Variants in JHY observed in about 807,000 individuals in gnomAD.
JHY encodes jhy protein homolog.
In JHY, 69 loss-of-function variants were observed where a neutral mutation model predicts 78.0. The observed-to-expected ratio is 0.88, with a 90% CI of 0.73 to 1.08. JHY has a LOEUF of 1.08. JHY is among the 50% of genes least tolerant of loss of function. The pLI, the probability that JHY is intolerant of heterozygous loss-of-function variation, is 0.00. For synonymous variants in JHY, 368 were observed against 342.6 expected (o/e 1.07, Z -0.82); for missense variants, 944 against 927.8 (o/e 1.02, Z -0.23).
intron 3 of JHY, among the ~76,000 whole-genome samples, chr11:122,915,815 T>TA (rs937268172): frequency 3.3e-5 from 5 of 151,934 alleles, no homozygotes; most frequent in African/African-American, 1.2e-4. Flanking sequence ...CACCCAGCCC[T>TA]AAAAAGAAGA....
At chr11:122,902,236 C>T (rs761032456) in intron 2 of JHY, among the ~76,000 whole-genome samples, 1 of 151,750 alleles carries the variant, frequency 6.6e-6, no homozygotes, top group Non-Finnish European at 1.5e-5. Context: ...GCGAGTGGAT[C>T]ACAGGAGGCC....
At chr11:122,952,007 T>TA (rs1864097843) in intron 6 of JHY, among the ~76,000 whole-genome samples, 2 of 151,170 alleles carry the variant, frequency 1.3e-5, no homozygotes, top group African/African-American at 4.9e-5. Flanking sequence ...TTTTTTTTTT[T>TA]AGTATTGTGT....
At chr11:122,943,479 G>A (rs1863912388) in intron 5 of JHY, among the ~76,000 whole-genome samples, 1 of 152,086 alleles carries the variant, frequency 6.6e-6, no homozygotes, top group South Asian at 2.1e-4. Flanking sequence ...TGTTGAATAG[G>A]TCTTTTAAGT....
chr11:122,891,375 T>C (rs1450693327), intron 2 of JHY, among the ~76,000 whole-genome samples: 1 of 152,136 alleles, frequency 6.6e-6, no homozygotes, highest in East Asian at 1.9e-4. Flanking sequence ...ACCTTTTACT[T>C]AATGGAATTT....
At chr11:122,884,747 G>C (rs1862458623) in intron 1 of JHY, among the ~76,000 whole-genome samples, 4 of 152,316 alleles carry the variant, frequency 2.6e-5, no homozygotes, top group African/African-American at 9.6e-5. Flanking sequence ...TCCAGGCTCT[G>C]CTTTGGATCG....
At chr11:122,902,137 A>C (rs1201803460) in intron 2 of JHY, among the ~76,000 whole-genome samples, 1 of 151,258 alleles carries the variant, frequency 6.6e-6, no homozygotes, top group Admixed American at 6.6e-5. Context: ...AATAAGTAGG[A>C]GTGCACTCTA....
Position 122,934,443 on chromosome 11 carries a change from A to G in JHY, c.1002A>G (p.Gln334=), listed in dbSNP as rs949258932. 6.2e-7 allele frequency: 1 copy of G among 1,613,444 alleles called. No homozygotes were observed. The highest frequency in any genetic ancestry group is 1.1e-5 in the South Asian group (1 of 91,016). ...QLKNYQEHWS[Q]YESTKSSNVP... is the part of the protein sequence containing the mutation. ...AGAATTACCAGGAACACTGGTCTCA[A>G]TATGAAAGTACAAAATCAAGCAATG... The change falls in exon 5 of 9, where the codon CAA becomes CAG. Residue 334 remains glutamine (Q), a synonymous_variant. Transcript: ENST00000227349.
chr11:122,921,209 C>T (rs77758872), intron 3 of JHY, among the ~76,000 whole-genome samples: 9,781 of 152,206 alleles, frequency 0.064, 634 homozygotes, highest in African/African-American at 0.16. Flanking sequence ...GAATAGGAAG[C>T]GTGGGACACT....
chr11:122,934,049 G>T (rs1339741403), intron 4 of JHY, among the ~76,000 whole-genome samples: 1 of 151,908 alleles, frequency 6.6e-6, no homozygotes, highest in African/African-American at 2.4e-5. Context: ...TTCTTTCTAG[G>T]CTTATAATCC....
intron 5 of JHY, among the ~76,000 whole-genome samples, chr11:122,942,743 G>A (rs1863899173): frequency 6.6e-6 from 1 of 152,112 alleles, no homozygotes; most frequent in South Asian, 2.1e-4. Context: ...TGTTTTAAAT[G>A]CTTAGCTCAT....
chr11:122,930,423 G>GT (rs1338576269), intron 4 of JHY, among the ~76,000 whole-genome samples: 1 of 152,146 alleles, frequency 6.6e-6, no homozygotes, highest in African/African-American at 2.4e-5. Context: ...TCAAGTGAAT[G>GT]TTTTTTTCCT....
In JHY at chr11:122,957,344, A is replaced by C. The variant is rs747808742; in HGVS notation, c.2011-19A>C. On this transcript the variant is annotated intron_variant, in intron 7 of 8. Coordinates refer to ENST00000227349, the MANE Select transcript of JHY (RefSeq NM_024806.4). ...ACTAGCAGCACCTGGATTCATCATA[A>C]CTTTGTTTCTCTGAACAGACGCAAA... is the stretch of plus-strand genomic sequence containing the variant. The C allele has an allele frequency of 1.3e-4, 198 of 1,512,026 alleles. No homozygotes were observed. The highest frequency in any genetic ancestry group is 1.7e-4 in the Non-Finnish European group (192 of 1,142,920). 93.7% of individuals were successfully genotyped at this position (1,512,026 alleles called of 1,614,324 possible). A position where few individuals can be genotyped will look rare whatever the true frequency, so the allele number is the denominator to read the frequency against.
chr11:122,923,811 A>T (rs1226054454), intron 3 of JHY, among the ~76,000 whole-genome samples: 1 of 150,866 alleles, frequency 6.6e-6, no homozygotes, highest in Non-Finnish European at 1.5e-5. Context: ...TCCGCCTCCC[A>T]GGTTTAAGCA....
intron 3 of JHY, among the ~76,000 whole-genome samples, chr11:122,914,515 G>A (rs887537398): frequency 3.0e-4 from 46 of 152,122 alleles, no homozygotes; most frequent in East Asian, 3.9e-4. Flanking sequence ...TGCGATCTCC[G>A]CTCACTGCAA....
At position 122,935,964 on chromosome 11, in the gene JHY, T is replaced by C. The variant is rs1217168612; in HGVS notation, c.1634+889T>C. Among the ~76,000 whole-genome samples, 3 of 152,238 alleles carry C rather than the reference T, an allele frequency of 2.0e-5. No individual in the cohort carries two copies. The highest frequency in any genetic ancestry group is 1.3e-4 in the Admixed American group (2 of 15,286). On this transcript the variant is annotated intron_variant, in intron 5 of 8. Transcript: ENST00000227349. The surrounding 1 kb of genome is among the most constrained non-coding windows in gnomAD (Gnocchi z 4.5). ...AAGTACATCTAAGGAGTATGAGTTC[T>C]ACTGTGTTAAAATATGCACAGAAGA...
At chr11:122,900,378 T>C in intron 2 of JHY, among the ~76,000 whole-genome samples, 1 of 152,016 alleles carries the variant, frequency 6.6e-6, no homozygotes, top group Admixed American at 6.6e-5. Flanking sequence ...GAATATCAAA[T>C]AGCATAAAAA....
chr11:122,914,211 A>G (rs947579623), intron 3 of JHY, among the ~76,000 whole-genome samples: 3 of 152,154 alleles, frequency 2.0e-5, no homozygotes, highest in Admixed American at 1.3e-4. Flanking sequence ...TTATTATTGA[A>G]TGTTTGGTTT....
intron 2 of JHY, among the ~76,000 whole-genome samples, chr11:122,889,199 A>T (rs1862559230): frequency 6.6e-6 from 1 of 152,224 alleles, no homozygotes; most frequent in Non-Finnish European, 1.5e-5. Flanking sequence ...TGTGAGCTCG[A>T]GAATCTTTTT....
chr11:122,919,576 G>A (rs1377554678), intron 3 of JHY, among the ~76,000 whole-genome samples: 3 of 152,104 alleles, frequency 2.0e-5, no homozygotes, highest in Non-Finnish European at 2.9e-5. Flanking sequence ...AAGATGGAGG[G>A]TAATGGAAAA....
Sources: gnomAD v4.1 joint callset for allele counts (sites outside exome capture counted in the v4.1 genomes callset) on GRCh38, gnomAD v4.1.1 for gene constraint, Gnocchi (gnomAD v3.1) non-coding constraint, MANE v1.5 for transcripts, NCBI Gene and HGNC (gene_info 2026-07-23, HGNC 2026-07-21) for gene names.